Variants in TJP1 observed in about 807,000 individuals in gnomAD.
TJP1 encodes tight junction protein ZO-1.
Under a neutral mutation model 194.2 loss-of-function variants are expected in TJP1, and 43 were observed. The observed-to-expected ratio is 0.22, with a 90% CI of 0.17 to 0.29. TJP1 has a LOEUF of 0.29. Ranked by LOEUF, TJP1 falls within the 10% of genes least tolerant of loss-of-function variation. The pLI, the probability that TJP1 is intolerant of heterozygous loss-of-function variation, is 1.00. For synonymous variants in TJP1, 801 were observed against 779.0 expected (o/e 1.03, Z -0.47); for missense variants, 1,971 against 2,185.7 (o/e 0.90, Z 1.96).
intron 8 of TJP1, among the ~76,000 whole-genome samples, chr15:29,746,219 A>G (rs945860646): frequency 2.6e-5 from 4 of 152,070 alleles, no homozygotes; most frequent in Non-Finnish European, 4.4e-5. Flanking sequence ...TACTAAAAAT[A>G]CAAAAAAAAT....
At chr15:29,951,165 T>C (rs2152308019) in intron 2 of TJP1, among the ~76,000 whole-genome samples, 1 of 152,252 alleles carries the variant, frequency 6.6e-6, no homozygotes, top group East Asian at 1.9e-4. Flanking sequence ...GGATACTCTT[T>C]TTTTCTTTTC....
intron 2 of TJP1, among the ~76,000 whole-genome samples, chr15:29,897,251 G>A (rs1085232): frequency 0.69 from 104,538 of 152,096 alleles, 37,237 homozygotes; most frequent in African/African-American, 0.88. Context: ...CCTAAGGTAC[G>A]GTTCAGGCCG....
rs147136553 is a variant in TJP1 at position 29,720,706 on chromosome 15, C to T, written c.2415G>A (p.Ala805=). The change falls in exon 19 of 28, where the codon GCG becomes GCA. Residue 805 remains alanine, a splice_region_variant and synonymous_variant. Transcript: ENST00000614355. ...NQLVWVSEGK[A]DGATSDDLDL... Reference sequence around the variant, plus strand: ...CAAGGTCATCACTTGTAGCACCATCCGCCTGGGTCAAATAAAAGTAAATTA... The same window carrying T: ...CAAGGTCATCACTTGTAGCACCATCTGCCTGGGTCAAATAAAAGTAAATTA... The T allele has an allele frequency of 5.9e-3, 9,282 of 1,581,032 alleles. 30 individuals are homozygous for T. The highest frequency in any genetic ancestry group is 0.012 in the Middle Eastern group (71 of 5,884).
Position 29,717,516 on chromosome 15 carries a change from G to A in TJP1, c.3974+505C>T, listed in dbSNP as rs1480377279. Among the ~76,000 whole-genome samples the A allele has an allele frequency of 8.8e-5, 6 of 68,352 alleles. No individual in the cohort carries two copies. In the East Asian group the frequency reaches 3.4e-3, roughly 39 times the overall value. The allele number at this position is 68,352 out of a possible 152,430, so 44.8% of individuals were successfully genotyped here. ...GGCCAGGTTTCTCTTCCAGCTCTAA[G>A]TCTTGTAAGCTACTTGCCCCTCTCA... is the stretch of plus-strand genomic sequence containing the variant. On this transcript the variant is annotated intron_variant, in intron 22 of 27. Coordinates refer to ENST00000614355, the MANE Select transcript of TJP1 (RefSeq NM_001330239.4).
intron 2 of TJP1, among the ~76,000 whole-genome samples, chr15:29,955,443 A>C (rs972385850): frequency 6.6e-5 from 10 of 152,096 alleles, no homozygotes; most frequent in African/African-American, 1.7e-4. Flanking sequence ...AACATGCATG[A>C]ATTTACCACA....
At chr15:29,898,508 T>C (rs750377779) in intron 2 of TJP1, among the ~76,000 whole-genome samples, 1 of 152,242 alleles carries the variant, frequency 6.6e-6, no homozygotes, top group East Asian at 1.9e-4. Context: ...AACAACTTAT[T>C]TAATTTTCAT....
At chr15:29,789,106 T>C (rs745828063) in intron 2 of TJP1, among the ~76,000 whole-genome samples, 27 of 152,172 alleles carry the variant, frequency 1.8e-4, no homozygotes, top group Non-Finnish European at 3.5e-4. Flanking sequence ...ATAAAGTTAG[T>C]TTCACCTGTT....
intron 1 of TJP1, among the ~76,000 whole-genome samples, chr15:29,815,746 T>C (rs1412449696): frequency 1.3e-5 from 2 of 152,234 alleles, no homozygotes; most frequent in African/African-American, 4.8e-5. Flanking sequence ...AAAGACATTT[T>C]CCTTAGCAGC....
At chr15:29,771,779 T>C (rs1322403106) in intron 4 of TJP1, among the ~76,000 whole-genome samples, 2 of 148,628 alleles carry the variant, frequency 1.3e-5, no homozygotes, top group Admixed American at 6.8e-5. Flanking sequence ...CACTCCAGCT[T>C]GGGCGACAGA....
At chr15:29,968,841 G>T (rs1471675927) in exon 1 of TJP1, 5 of 914,026 alleles carry the variant, frequency 5.5e-6, no homozygotes, top group South Asian at 3.2e-5. Flanking sequence ...GCGCCGCATA[G>T]ATCAGCTCTG....
At chr15:29,742,534 A>G (rs762645892) in intron 9 of TJP1, 108 bp downstream of exon 9, 82 of 1,278,108 alleles carry the variant, frequency 6.4e-5, no homozygotes, top group Admixed American at 2.3e-4. Context: ...AGACAAATTC[A>G]CACATGAGAA....
At chr15:29,771,809 A>G (rs1233416078) in intron 4 of TJP1, among the ~76,000 whole-genome samples, 1 of 151,974 alleles carries the variant, frequency 6.6e-6, no homozygotes, top group Non-Finnish European at 1.5e-5. Flanking sequence ...CGTCTCAAAA[A>G]AAAAAAAAAA....
chr15:29,760,636 C>CA (rs2045942806), intron 8 of TJP1, among the ~76,000 whole-genome samples: 1 of 152,152 alleles, frequency 6.6e-6, no homozygotes, highest in Admixed American at 6.5e-5. Flanking sequence ...CTCGGCCTCC[C>CA]AAAGTGCTGG....
intron 2 of TJP1, among the ~76,000 whole-genome samples, chr15:29,789,465 A>G (rs1266341374): frequency 6.6e-6 from 1 of 152,198 alleles, no homozygotes; most frequent in East Asian, 1.9e-4. Context: ...ATATAATTCC[A>G]GGGCCCACAA....
At chr15:29,800,022 T>A (rs1260046734) in intron 2 of TJP1, among the ~76,000 whole-genome samples, 1 of 152,206 alleles carries the variant, frequency 6.6e-6, no homozygotes, top group Non-Finnish European at 1.5e-5. Context: ...GGTGTCAACT[T>A]GTTCCATTTT....
intron 2 of TJP1, among the ~76,000 whole-genome samples, chr15:29,789,966 C>CT (rs45541734): frequency 0.023 from 3,554 of 152,248 alleles, 50 homozygotes; most frequent in South Asian, 0.054. Context: ...CCCAGACAAA[C>CT]TGAGTAAGAA....
At chr15:29,895,256 C>T (rs1567173989) in intron 2 of TJP1, among the ~76,000 whole-genome samples, 1 of 152,168 alleles carries the variant, frequency 6.6e-6, no homozygotes, top group Non-Finnish European at 1.5e-5. Flanking sequence ...AGTTCTTCTT[C>T]CCTCTTGATT....
intron 3 of TJP1, 99 bp downstream of exon 3, chr15:29,773,134 A>G (rs1486384466): frequency 7.2e-7 from 1 of 1,389,204 alleles, no homozygotes; most frequent in East Asian, 2.4e-5. Context: ...TGGAGTGTGA[A>G]TATGACAAAA....
At chr15:29,907,270 G>T in intron 2 of TJP1, among the ~76,000 whole-genome samples, 1 of 151,966 alleles carries the variant, frequency 6.6e-6, no homozygotes. Flanking sequence ...TTAGCCAGGG[G>T]TGGTGGCGGG....
Sources: gnomAD v4.1 joint callset for allele counts (sites outside exome capture counted in the v4.1 genomes callset) on GRCh38, gnomAD v4.1.1 for gene constraint, MANE v1.5 for transcripts, NCBI Gene and HGNC (gene_info 2026-07-23, HGNC 2026-07-21) for gene names.